Variants in SEMA5B observed in about 807,000 individuals in gnomAD.
The protein encoded by SEMA5B is semaphorin 5B.
In SEMA5B, 66 loss-of-function variants were observed where a neutral mutation model predicts 135.0. The observed-to-expected ratio is 0.49, with a 90% CI of 0.40 to 0.60. The LOEUF (loss-of-function observed/expected upper bound fraction) is 0.60. SEMA5B is among the 20% of genes least tolerant of loss of function. The pLI, the probability that SEMA5B is intolerant of heterozygous loss-of-function variation, is 0.00. For missense variants in SEMA5B, 1,501 were observed against 1,566.3 expected, an observed-to-expected ratio of 0.96 and a Z score of 0.70; for synonymous variants, 690 against 639.5, an observed-to-expected ratio of 1.08 and a Z score of -1.19.
At chr3:122,971,536 G>C (rs6803554) in intron 1 of SEMA5B, among the ~76,000 whole-genome samples, 2 of 152,174 alleles carry the variant, frequency 1.3e-5, no homozygotes, top group African/African-American at 4.8e-5. Flanking sequence ...CCATCATGGG[G>C]CATGAAGCAA....
chr3:122,975,178 G>A (rs55717707), intron 1 of SEMA5B: 15,985 of 152,396 alleles, frequency 0.1, 979 homozygotes, highest in Non-Finnish European at 0.15. Context: ...AGAGATGGAG[G>A]GTGGGCCCTG....
chr3:122,922,110 A>T lies in SEMA5B; in HGVS notation c.1493T>A (p.Ile498Asn), dbSNP rs779360705. ...GCTCGCCGTGGACAGCGCCTTCAGG[A>T]TGGTGCCCGACTCTGGAGGAGAGGG... ...VLYIGTESGT[I>N]LKALSTASRS... The change falls in exon 12 of 23, where the codon ATC becomes AAC. Residue 498 changes from isoleucine (I) to asparagine (N), a missense_variant. Physicochemically the swap from Ile to Asn is moderately radical, Grantham distance 149. Around this residue, in one of 2 missense-constraint regions of SEMA5B, gnomAD observed 574 missense variants for 684.7 expected, o/e 0.84. Transcript: ENST00000357599. 1 of 1,506,018 alleles carries T rather than the reference A, an allele frequency of 6.6e-7. No individual in the cohort carries two copies. Among genetic ancestry groups the T allele is most frequent in the Non-Finnish European group, 8.9e-7 (1 of 1,123,174 alleles). The allele number at this position is 1,506,018 out of a possible 1,614,324, so 93.3% of individuals were successfully genotyped here.
chr3:122,928,114 C>T (rs1938746387), intron 7 of SEMA5B, 111 bp from the exon 8 acceptor site: 4 of 708,560 alleles, frequency 5.6e-6, no homozygotes, highest in African/African-American at 1.8e-5. Flanking sequence ...GGCCTCTCCC[C>T]TCCTCCAGCG....
intron 5 of SEMA5B, among the ~76,000 whole-genome samples, chr3:122,930,690 G>C (rs1344420680): frequency 6.6e-6 from 1 of 152,236 alleles, no homozygotes; most frequent in African/African-American, 2.4e-5. Context: ...AGGAGTTAAA[G>C]TTACGCTGAA....
intron 3 of SEMA5B, among the ~76,000 whole-genome samples, chr3:122,945,324 G>A (rs1405924140): frequency 6.6e-6 from 1 of 152,172 alleles, no homozygotes; most frequent in African/African-American, 2.4e-5. Context: ...TGGCTTTTGG[G>A]CAATATAGGA....
chr3:122,933,829 T>C (rs1040647511), intron 5 of SEMA5B, among the ~76,000 whole-genome samples: 1 of 152,146 alleles, frequency 6.6e-6, no homozygotes, highest in African/African-American at 2.4e-5. Flanking sequence ...ATTTTAAATT[T>C]CCATATTTTA....
rs568828745 is a variant in SEMA5B at position 122,960,733 on chromosome 3, C to G, written c.124+407G>C. ...AGTAAGCCAGCCACGAAAAGATAAA[C>G]ACTGCATGATTCCATTTATATGAGG... On this transcript the variant is annotated intron_variant, in intron 2 of 22. Transcript: ENST00000357599. Among the ~76,000 whole-genome samples the G allele has an allele frequency of 5.3e-5, 8 of 152,326 alleles. No homozygotes were observed. In the South Asian group the frequency reaches 8.3e-4, roughly 16 times the overall value.
chr3:122,941,217 G>C (rs891210514), intron 4 of SEMA5B, among the ~76,000 whole-genome samples: 1 of 152,160 alleles, frequency 6.6e-6, no homozygotes, highest in Admixed American at 6.5e-5. Context: ...AAAGAAAGTG[G>C]CCAAAGACCC....
intron 1 of SEMA5B, among the ~76,000 whole-genome samples, chr3:122,983,266 T>TTG (rs2107687562): frequency 6.6e-6 from 1 of 152,058 alleles, no homozygotes; most frequent in South Asian, 2.1e-4. Flanking sequence ...AGGATTTTTT[T>TTG]GGGGGGGTTT....
chr3:122,997,639 G>C (rs973081043), intron 1 of SEMA5B, among the ~76,000 whole-genome samples: 1 of 152,182 alleles, frequency 6.6e-6, no homozygotes, highest in Non-Finnish European at 1.5e-5. Flanking sequence ...CCAGACAAAT[G>C]CTTGCTCCCT....
chr3:122,919,903 C>T (rs1390126999), intron 12 of SEMA5B, among the ~76,000 whole-genome samples: 1 of 152,168 alleles, frequency 6.6e-6, no homozygotes, highest in African/African-American at 2.4e-5. Flanking sequence ...AATGGGCACA[C>T]TACACAAGCT....
At chr3:122,979,842 C>T (rs1210082461) in intron 1 of SEMA5B, among the ~76,000 whole-genome samples, 1 of 152,238 alleles carries the variant, frequency 6.6e-6, no homozygotes, top group East Asian at 1.9e-4. Context: ...ACATTTCTAA[C>T]AGCGCCTTAG....
intron 6 of SEMA5B, 62 bp from the exon 7 acceptor site, chr3:122,928,677 C>G: frequency 8.3e-7 from 1 of 1,202,226 alleles, no homozygotes; most frequent in East Asian, 2.6e-5. Context: ...GGATATCTCA[C>G]GCTCACACCA....
chr3:122,929,936 G>A (rs186337733), intron 5 of SEMA5B, among the ~76,000 whole-genome samples: 104 of 152,300 alleles, frequency 6.8e-4, no homozygotes, highest in East Asian at 3.1e-3. Context: ...GAAGGGAGGC[G>A]TGATGCCCTC....
intron 12 of SEMA5B, among the ~76,000 whole-genome samples, chr3:122,917,076 T>A (rs1450727677): frequency 6.6e-6 from 1 of 152,226 alleles, no homozygotes; most frequent in East Asian, 1.9e-4. Flanking sequence ...AATCAGGCTT[T>A]GCTATCCATT....
At chr3:122,993,031 G>T (rs969919048) in intron 1 of SEMA5B, 1 of 152,332 alleles carries the variant, frequency 6.6e-6, no homozygotes, top group African/African-American at 2.4e-5. Flanking sequence ...GGCTGATGAG[G>T]AGTTCTCAGT....
intron 1 of SEMA5B, among the ~76,000 whole-genome samples, chr3:123,025,848 A>G (rs1383503655): frequency 6.6e-6 from 1 of 152,164 alleles, no homozygotes; most frequent in Non-Finnish European, 1.5e-5. Context: ...GAAAATCTAG[A>G]CTTCGGGAAA....
At chr3:122,946,646 T>C (rs1939802316) in intron 3 of SEMA5B, among the ~76,000 whole-genome samples, 1 of 152,138 alleles carries the variant, frequency 6.6e-6, no homozygotes, top group African/African-American at 2.4e-5. Flanking sequence ...CAGTACCAGC[T>C]GGGCTGAGGG....
intron 1 of SEMA5B, among the ~76,000 whole-genome samples, chr3:122,969,458 C>T (rs973905014): frequency 1.1e-4 from 17 of 152,208 alleles, no homozygotes; most frequent in African/African-American, 3.9e-4. Context: ...AGAGCTTCCT[C>T]CCTGCGTCCT....
Sources: gnomAD v4.1 joint callset for allele counts (sites outside exome capture counted in the v4.1 genomes callset) on GRCh38, gnomAD v4.1.1 for gene constraint, gnomAD v4.1.1 regional missense constraint, MANE v1.5 for transcripts, NCBI Gene and HGNC (gene_info 2026-07-23, HGNC 2026-07-21) for gene names.